ANAPC1: variants seen among roughly 807,000 people sequenced by gnomAD.
The protein encoded by ANAPC1 is anaphase-promoting complex subunit 1.
ANAPC1 carries 36 observed loss-of-function variants against 208.0 expected under a neutral mutation model. The observed-to-expected ratio is 0.17, with a 90% CI of 0.13 to 0.23. The LOEUF is 0.23. Among genes scored for constraint, ANAPC1 ranks in the 10% least tolerant of loss-of-function variants. ANAPC1 has a pLI of 1.00. For missense variants in ANAPC1, 942 were observed against 2,011.6 expected (o/e 0.47, Z 10.17); for synonymous variants, 378 against 695.2 (o/e 0.54, Z 7.18).
At chr2:111,824,004 C>T in intron 24 of ANAPC1, among the ~76,000 whole-genome samples, 1 of 141,532 alleles carries the variant, frequency 7.1e-6, no homozygotes, top group African/African-American at 2.5e-5. Flanking sequence ...TAAATTTATC[C>T]TCAGGTTAAT....
Position 111,776,899 on chromosome 2 carries a change from C to G in ANAPC1, c.5544G>C (p.Val1848=), listed in dbSNP as rs1278641489. ...CCAGGGTATTATCAATGGTGCACTT[C>G]ACAACAGGGAGGAATTCCGAGTTCA... ...LFMNSEFLPV[V]KCTIDNTLDQ... is the part of the protein sequence containing the mutation. Residue 1848 remains valine (V), a synonymous_variant, in exon 46 of 48, where the codon GTG becomes GTC. Coordinates refer to ENST00000341068, the MANE Select transcript of ANAPC1 (RefSeq NM_022662.4). The G allele has an allele frequency of 4.1e-6, 2 of 487,310 alleles. No homozygotes were observed. The highest frequency in any genetic ancestry group is 8.6e-5 in the Admixed American group (2 of 23,320). The allele number at this position is 487,310 out of a possible 1,614,324, so 30.2% of individuals were successfully genotyped here.
chr2:111,831,456 C>T (rs770053787), intron 20 of ANAPC1, 22 bp from the exon 21 acceptor site: 6 of 1,539,178 alleles, frequency 3.9e-6, no homozygotes, highest in Non-Finnish European at 5.3e-6. Context: ...GATAAATATT[C>T]AAAAAGACAC....
intron 34 of ANAPC1, among the ~76,000 whole-genome samples, chr2:111,798,989 A>G (rs879617417): frequency 4.6e-5 from 7 of 151,072 alleles, no homozygotes; most frequent in Non-Finnish European, 8.9e-5. Context: ...AGCCGAGATC[A>G]CACCACTGCA....
chr2:111,832,958 C>CAAAAAAAAAAAAAAAAAAAAAA (rs1573419308), intron 20 of ANAPC1, among the ~76,000 whole-genome samples: 1 of 60,252 alleles, frequency 1.7e-5, no homozygotes, highest in African/African-American at 4.9e-5. Context: ...AAAAAAAAAG[C>CAAAAAAAAAAAAAAAAAAAAAA]ATCCTTGACC....
intron 43 of ANAPC1, 29 bp downstream of exon 43, chr2:111,782,340 T>C: frequency 6.2e-7 from 1 of 1,613,008 alleles, no homozygotes; most frequent in Non-Finnish European, 8.5e-7. Flanking sequence ...GAATTATTTC[T>C]TTCCGTTTTT....
At chr2:111,792,771 T>C (rs1364094356) in intron 37 of ANAPC1, among the ~76,000 whole-genome samples, 1 of 151,664 alleles carries the variant, frequency 6.6e-6, no homozygotes, top group Non-Finnish European at 1.5e-5. Flanking sequence ...GCTAACATGG[T>C]GAAACCCCGT....
chr2:111,772,284 G>C (rs1375632386), intron 47 of ANAPC1, 57 bp downstream of exon 47: 15 of 1,613,268 alleles, frequency 9.3e-6, no homozygotes, highest in Non-Finnish European at 1.3e-5. Context: ...TGAGAAACTA[G>C]AACATAAAGG....
Position 111,872,684 on chromosome 2 carries a change from C to A in ANAPC1, c.557G>T (p.Gly186Val), listed in dbSNP as rs1682818861. 7 of 1,613,652 alleles carry A rather than the reference C, an allele frequency of 4.3e-6. No individual in the cohort carries two copies. Among genetic ancestry groups the A allele is most frequent in the Non-Finnish European group, 5.9e-6 (7 of 1,179,712 alleles). ...AGAAGCGCTTCGTTCAAACAGCAAT[C>A]CATATTTAGTGGGCCAAACATTTGC... ...QVANVWPTKY[G>V]LLFERSASSH... The change falls in exon 6 of 48, where the codon GGA becomes GTA. Residue 186 changes from glycine (G) to valine (V), a missense_variant. By Grantham distance (109) the Gly-to-Val change is moderately radical. Coordinates refer to ENST00000341068, the MANE Select transcript of ANAPC1 (RefSeq NM_022662.4).
chr2:111,845,638 T>G (rs1389999203), intron 16 of ANAPC1, among the ~76,000 whole-genome samples: 1 of 152,216 alleles, frequency 6.6e-6, no homozygotes, highest in Non-Finnish European at 1.5e-5. Context: ...TATATTTTGC[T>G]TAGGCTTATA....
chr2:111,787,378 G>A (rs1270114405), intron 39 of ANAPC1, among the ~76,000 whole-genome samples: 1 of 150,266 alleles, frequency 6.7e-6, no homozygotes, highest in Non-Finnish European at 1.5e-5. Flanking sequence ...ATCAGAGTGT[G>A]GTCTTCAGAT....
intron 21 of ANAPC1, among the ~76,000 whole-genome samples, chr2:111,827,220 C>T (rs1679885700): frequency 6.6e-6 from 1 of 152,018 alleles, no homozygotes; most frequent in Non-Finnish European, 1.5e-5. Context: ...GTGTTATTTG[C>T]TTTGAAGAGG....
intron 19 of ANAPC1, among the ~76,000 whole-genome samples, chr2:111,833,998 T>C (rs1037119715): frequency 2.6e-5 from 4 of 152,224 alleles, no homozygotes; most frequent in Non-Finnish European, 5.9e-5. Flanking sequence ...TTCTGAGCCA[T>C]ACACCAGGTG....
intron 19 of ANAPC1, among the ~76,000 whole-genome samples, chr2:111,833,631 T>C (rs3926712): frequency 9.5e-5 from 13 of 136,156 alleles, no homozygotes; most frequent in Non-Finnish European, 2.0e-4. Flanking sequence ...AATGGGGCAA[T>C]ACCAGCTCAC....
chr2:111,872,957 A>G (rs571692152), intron 5 of ANAPC1: 19 of 530,966 alleles, frequency 3.6e-5, no homozygotes, highest in Admixed American at 2.5e-4. Flanking sequence ...ATCAGTAACA[A>G]AATGACAATG....
chr2:111,882,371 A>G (rs1683349467), intron 1 of ANAPC1, among the ~76,000 whole-genome samples: 1 of 152,138 alleles, frequency 6.6e-6, no homozygotes, highest in Admixed American at 6.5e-5. Flanking sequence ...TTACACAAAC[A>G]GCCAAAGCCT....
chr2:111,794,333 G>C lies in ANAPC1; in HGVS notation c.4374-10C>G. On this transcript the variant is annotated splice_polypyrimidine_tract_variant and intron_variant, in intron 35 of 47. Coordinates refer to ENST00000341068, the MANE Select transcript of ANAPC1 (RefSeq NM_022662.4). ...GTAGACATGTGCTTGGCTGAAAACAGGTGACAAGAAATTTAATAATCATTA... is the reference window on the plus strand; with the variant it reads ...GTAGACATGTGCTTGGCTGAAAACACGTGACAAGAAATTTAATAATCATTA... 6.4e-7 allele frequency: 1 copy of C among 1,569,566 alleles called. No individual in the cohort carries two copies. The highest frequency in any genetic ancestry group is 8.6e-7 in the Non-Finnish European group (1 of 1,157,470).
At position 111,843,409 on chromosome 2, in the gene ANAPC1, T is replaced by C. The variant is rs1680875627; in HGVS notation, c.2040+3A>G. ...CATAAAGAAAACAATAGTATTTACT[T>C]ACATTTCTAGTCCATGCTAAGCGGT... On this transcript the variant is annotated splice_donor_region_variant and intron_variant, in intron 17 of 47. Transcript: ENST00000341068. 4.3e-6 allele frequency: 7 copies of C among 1,611,816 alleles called. No individual in the cohort carries two copies. In the East Asian group the frequency reaches 1.6e-4, roughly 36 times the overall value.
At chr2:111,787,619 A>G (rs1325218701) in intron 39 of ANAPC1, among the ~76,000 whole-genome samples, 1 of 152,150 alleles carries the variant, frequency 6.6e-6, no homozygotes, top group East Asian at 1.9e-4. Context: ...TATGCAAGAG[A>G]TCTGCTATGT....
At chr2:111,839,214 C>G (rs1680630962) in intron 17 of ANAPC1, among the ~76,000 whole-genome samples, 1 of 152,216 alleles carries the variant, frequency 6.6e-6, no homozygotes, top group South Asian at 2.1e-4. Flanking sequence ...CCTCCATCAA[C>G]CTGGGTTCCT....
Sources: gnomAD v4.1 joint callset for allele counts (sites outside exome capture counted in the v4.1 genomes callset) on GRCh38, gnomAD v4.1.1 for gene constraint, MANE v1.5 for transcripts, NCBI Gene and HGNC (gene_info 2026-07-23, HGNC 2026-07-21) for gene names.